The following SNX31 variants were observed in gnomAD, a reference collection of about 807,000 sequenced individuals.
SNX31 encodes the protein sorting nexin 31.
A neutral mutation model predicts 65.4 loss-of-function variants in SNX31; 58 were observed. The ratio of observed to expected loss-of-function variants is 0.89; its 90% CI spans 0.72 to 1.10. SNX31 has a LOEUF of 1.10. SNX31 is among the 50% of genes least tolerant of loss of function. SNX31 has a pLI of 0.00. For synonymous variants in SNX31, 181 were observed against 190.1 expected (o/e 0.95, Z 0.39); for missense variants, 523 against 529.7 (o/e 0.99, Z 0.12).
At position 100,660,994 on chromosome 8, in the gene SNX31, A is replaced by G. The variant is rs1809775471; in HGVS notation, c.-58+2148T>C. ...CTTCACAACAATCCTACCTGCCAGA[A>G]AAGCAGGTCGATATTTTTTTTTTTT... is the stretch of plus-strand genomic sequence containing the variant. On this transcript the variant is annotated intron_variant, in intron 1 of 5. Coordinates refer to the SNX31 transcript ENST00000520352. This position sits in a 1 kb window ranked among gnomAD's most constrained non-coding sequence, Gnocchi z 4.1. 6.8e-6 allele frequency among the ~76,000 whole-genome samples: 1 copy of G among 147,442 alleles called. No homozygotes were observed. Among genetic ancestry groups the G allele is most frequent in the African/African-American group, 2.6e-5 (1 of 39,008 alleles).
At chr8:100,641,432 AGGAAGTT>A (rs1819168451) in intron 2 of SNX31, among the ~76,000 whole-genome samples, 1 of 149,224 alleles carries the variant, frequency 6.7e-6, no homozygotes, top group Non-Finnish European at 1.5e-5. Context: ...CCAGCTACTC[AGGAAGTT>A]GAGGTGGGAG....
At chr8:100,624,456 T>G (rs1421628126) in intron 4 of SNX31, among the ~76,000 whole-genome samples, 16 of 152,216 alleles carry the variant, frequency 1.1e-4, no homozygotes, top group Admixed American at 1.0e-3. Flanking sequence ...TTTTTAACTT[T>G]TATTCCATCC....
chr8:100,596,585 C>T, intron 10 of SNX31, 54 bp downstream of exon 10: 1 of 1,493,534 alleles, frequency 6.7e-7, no homozygotes, highest in East Asian at 2.3e-5. Flanking sequence ...CTTTGTCATC[C>T]AAGGGTACTA....
chr8:100,619,002 C>A (rs1487260882), intron 4 of SNX31: 1 of 152,260 alleles, frequency 6.6e-6, no homozygotes, highest in East Asian at 1.9e-4. Flanking sequence ...GCCACTCCCC[C>A]TTCCCAAGAG....
intron 1 of SNX31, among the ~76,000 whole-genome samples, chr8:100,656,511 G>T (rs1218611683): frequency 6.6e-6 from 1 of 151,464 alleles, no homozygotes; most frequent in African/African-American, 2.4e-5. Context: ...CGTGGTTGTG[G>T]GTGCCTGTAA....
At chr8:100,642,004 G>C (rs1309268893) in intron 2 of SNX31, among the ~76,000 whole-genome samples, 1 of 151,876 alleles carries the variant, frequency 6.6e-6, no homozygotes, top group Admixed American at 6.6e-5. Flanking sequence ...GCGCGAACCC[G>C]GGAGGCGGAG....
In SNX31 at chr8:100,613,080, C is replaced by T. The variant is rs1209436779; in HGVS notation, c.438G>A (p.Val146=). 1.9e-6 allele frequency: 3 copies of T among 1,613,918 alleles called. No homozygotes were observed. Among genetic ancestry groups the T allele is most frequent in the Non-Finnish European group, 2.5e-6 (3 of 1,179,882 alleles). Reference sequence around the variant, plus strand: ...CTCGACACAGTCCAATTTTGTGTGACACCACCTTTAACCAGAAACAAGCAG... The same window carrying T: ...CTCGACACAGTCCAATTTTGTGTGATACCACCTTTAACCAGAAACAAGCAG... The part of the protein sequence containing the change: ...SDTAERVLEV[V]SHKIGLCREL... The change falls in exon 6 of 14, where the codon GTG becomes GTA. Residue 146 remains valine (V), a synonymous_variant. Coordinates refer to ENST00000311812, the MANE Select transcript of SNX31 (RefSeq NM_152628.4). The surrounding 1 kb of genome is among the most constrained non-coding windows in gnomAD (Gnocchi z 5.2).
At position 100,630,534 on chromosome 8, in the gene SNX31, T is replaced by C; in HGVS notation, c.257-143A>G. 2.9e-6 allele frequency: 2 copies of C among 678,702 alleles called. No individual in the cohort carries two copies. The highest frequency in any genetic ancestry group is 2.3e-5 in the South Asian group (1 of 43,792). The allele number at this position is 678,702 out of a possible 1,614,324, so 42.0% of individuals were successfully genotyped here. A position where few individuals can be genotyped will look rare whatever the true frequency, so the allele number is the denominator to read the frequency against. ...GTGATAAATGTTGAAACCTCTCAAA[T>C]ACAGGAAAACCCCCAAAGCTTGCCT... On this transcript the variant is annotated intron_variant, in intron 3 of 13. Coordinates refer to ENST00000311812, the MANE Select transcript of SNX31 (RefSeq NM_152628.4). This position sits in a 1 kb window ranked among gnomAD's most constrained non-coding sequence, Gnocchi z 5.3.
rs374853032 is a variant in SNX31, at chr8:100,613,208, A to G, written c.433-123T>C. ...TAAAAAATGCTGTCATGGGTTAGTG[A>G]ACACTCAAAGAAAGCTTTTTGGAAT... On this transcript the variant is annotated intron_variant, in intron 5 of 13. Transcript: ENST00000311812. This position sits in a 1 kb window ranked among gnomAD's most constrained non-coding sequence, Gnocchi z 5.2. 6 of 713,810 alleles carry G rather than the reference A, an allele frequency of 8.4e-6. No individual in the cohort carries two copies. The highest frequency in any genetic ancestry group is 5.4e-5 in the African/African-American group (3 of 55,978). The allele number at this position is 713,810 out of a possible 1,614,324, so 44.2% of individuals were successfully genotyped here. A position where few individuals can be genotyped will look rare whatever the true frequency, so the allele number is the denominator to read the frequency against.
chr8:100,654,024 G>A (rs1324633913), upstream of SNX31, among the ~76,000 whole-genome samples: 1 of 152,152 alleles, frequency 6.6e-6, no homozygotes, highest in Non-Finnish European at 1.5e-5. Context: ...TTTTGTTTTT[G>A]AGACAGGGTC....
chr8:100,574,630 T>TAA (rs34042673), intron 13 of SNX31, among the ~76,000 whole-genome samples: 3,056 of 132,008 alleles, frequency 0.023, 98 homozygotes, highest in African/African-American at 0.078. Flanking sequence ...AGACTCCGTC[T>TAA]AAAAAAAAAA....
rs1816505262 is a variant in SNX31, at chr8:100,609,429, G to A, written c.612-866C>T. Among the ~76,000 whole-genome samples, 1 of 152,174 alleles carries A rather than the reference G, an allele frequency of 6.6e-6. No individual in the cohort carries two copies. ...CCATCTGTGAAGAACCCCAAGGCCA[G>A]GGGCCTATCCAGAGTTGCCCCTCTG... On this transcript the variant is annotated intron_variant, in intron 7 of 13. Transcript: ENST00000311812. This position sits in a 1 kb window ranked among gnomAD's most constrained non-coding sequence, Gnocchi z 4.9.
At chr8:100,651,649 T>G (rs1398996870), upstream of SNX31, among the ~76,000 whole-genome samples, 1 of 152,232 alleles carries the variant, frequency 6.6e-6, no homozygotes, top group Non-Finnish European at 1.5e-5. Flanking sequence ...CTCCACACTG[T>G]GCAAGACAAT....
chr8:100,617,845 AC>A, intron 4 of SNX31, 115 bp from the exon 5 acceptor site: 1 of 801,278 alleles, frequency 1.2e-6, no homozygotes, highest in Non-Finnish European at 1.9e-6. Context: ...GCTCACTGCA[AC>A]CTCTGCCTCC....
chr8:100,618,044 G>A (rs1238586677), intron 4 of SNX31: 2 of 983,144 alleles, frequency 2.0e-6, no homozygotes, highest in Non-Finnish European at 1.2e-6. Flanking sequence ...GGGATTACAG[G>A]CCTGAGCCAC....
At chr8:100,611,705 A>G (rs923580690) in intron 7 of SNX31, among the ~76,000 whole-genome samples, 1 of 152,150 alleles carries the variant, frequency 6.6e-6, no homozygotes, top group Non-Finnish European at 1.5e-5. Context: ...CAGATGCACA[A>G]CACCACATCT....
chr8:100,616,056 G>A (rs911777413), intron 5 of SNX31, among the ~76,000 whole-genome samples: 22 of 152,212 alleles, frequency 1.4e-4, no homozygotes, highest in African/African-American at 4.1e-4. Context: ...TTACAGGCGT[G>A]AGCCACAGTG....
At chr8:100,603,351 C>T (rs1343459345) in intron 8 of SNX31, among the ~76,000 whole-genome samples, 1 of 151,948 alleles carries the variant, frequency 6.6e-6, no homozygotes, top group East Asian at 1.9e-4. Flanking sequence ...CAAGACATGT[C>T]GTTCACCATC....
Position 100,590,058 on chromosome 8 carries a change from G to A in SNX31, c.979-1079C>T, listed in dbSNP as rs140595698. ...TTAACTTTCTAAAGCCTCTGCATCC[G>A]TTTTTCCTTTGAATCTGTAGGTTAC... On this transcript the variant is annotated intron_variant, in intron 10 of 13. Coordinates refer to ENST00000311812, the MANE Select transcript of SNX31 (RefSeq NM_152628.4). 1.5e-3 allele frequency among the ~76,000 whole-genome samples: 223 copies of A among 152,256 alleles called. 1 individual carries two copies. Among genetic ancestry groups the A allele is most frequent in the African/African-American group, 5.1e-3 (212 of 41,560 alleles).
Sources: allele counts gnomAD v4.1 joint callset (sites outside exome capture counted in the v4.1 genomes callset), GRCh38; gene constraint gnomAD v4.1.1; non-coding constraint Gnocchi (gnomAD v3.1); transcripts MANE v1.5; gene names NCBI Gene and HGNC (gene_info 2026-07-23, HGNC 2026-07-21).